STK3: variants seen among roughly 807,000 people sequenced by gnomAD.
STK3 encodes serine/threonine kinase 3.
STK3 carries 41 observed loss-of-function variants against 58.0 expected under a neutral mutation model. That is an observed-to-expected ratio of 0.71 (90% CI 0.55 to 0.92). The LOEUF is 0.92. STK3 is among the 40% of genes least tolerant of loss of function. The pLI, the probability that STK3 is intolerant of heterozygous loss-of-function variation, is 0.00. For synonymous variants in STK3, 170 were observed against 191.0 expected, an observed-to-expected ratio of 0.89 and a Z score of 0.91; for missense variants, 479 against 602.7, an observed-to-expected ratio of 0.79 and a Z score of 2.15.
chr8:98,447,382 T>A (rs1818996960), intron 1 of STK3, among the ~76,000 whole-genome samples: 1 of 152,066 alleles, frequency 6.6e-6, no homozygotes, highest in Non-Finnish European at 1.5e-5. Context: ...ATCTTTCTTA[T>A]ATTTTTATAA....
intron 6 of STK3, among the ~76,000 whole-genome samples, chr8:98,667,555 C>T (rs746936710): frequency 1.7e-4 from 26 of 152,058 alleles, no homozygotes; most frequent in Non-Finnish European, 3.1e-4. Context: ...ATTGGCAACA[C>T]TTCCTTTTAA....
chr8:98,893,486 G>GAGAGAA (rs1838312484), intron 1 of STK3, among the ~76,000 whole-genome samples: 13 of 43,036 alleles, frequency 3.0e-4, no homozygotes, highest in African/African-American at 1.3e-3. Context: ...AAGAAAGAAA[G>GAGAGAA]AGAAAGAAAG....
At chr8:98,711,507 T>C (rs532842912) in intron 4 of STK3, among the ~76,000 whole-genome samples, 10 of 152,284 alleles carry the variant, frequency 6.6e-5, no homozygotes, top group African/African-American at 2.2e-4. Context: ...CAGTAGCCGA[T>C]TCAATCAACT....
chr8:98,517,181 C>T (rs891381924), intron 10 of STK3, among the ~76,000 whole-genome samples: 1 of 152,054 alleles, frequency 6.6e-6, no homozygotes, highest in Non-Finnish European at 1.5e-5. Context: ...GCCCCTATCA[C>T]TCATTTATCT....
intron 7 of STK3, among the ~76,000 whole-genome samples, chr8:98,589,921 C>T (rs1253969799): frequency 6.6e-6 from 1 of 152,256 alleles, no homozygotes; most frequent in Non-Finnish European, 1.5e-5. Flanking sequence ...ACCCCTTGCA[C>T]TTCCCGAGTG....
intron 4 of STK3, among the ~76,000 whole-genome samples, chr8:98,740,063 GA>G (rs1469503008): frequency 6.6e-6 from 1 of 152,176 alleles, no homozygotes; most frequent in African/African-American, 2.4e-5. Context: ...AAAAAGAAAT[GA>G]ACAAAGCCTC....
intron 9 of STK3, among the ~76,000 whole-genome samples, chr8:98,532,965 T>TA (rs1270980322): frequency 6.6e-6 from 1 of 152,208 alleles, no homozygotes; most frequent in African/African-American, 2.4e-5. Flanking sequence ...TTGTTTTTTT[T>TA]ATGACTGGCT....
At chr8:98,886,377 A>ATCTGAAAACCTGAAT (rs1837991882) in intron 1 of STK3, among the ~76,000 whole-genome samples, 2 of 152,242 alleles carry the variant, frequency 1.3e-5, no homozygotes, top group South Asian at 4.1e-4. Context: ...AAAACCTGAA[A>ATCTGAAAACCTGAAT]TCTGAAATGC....
chr8:98,720,519 G>A (rs1316659905), intron 4 of STK3, among the ~76,000 whole-genome samples: 2 of 152,042 alleles, frequency 1.3e-5, no homozygotes, highest in Admixed American at 1.3e-4. Flanking sequence ...GGAAGGCCGA[G>A]GCAGGTGGAT....
intron 10 of STK3, among the ~76,000 whole-genome samples, chr8:98,508,096 G>A (rs1824233323): frequency 1.3e-5 from 2 of 151,970 alleles, no homozygotes; most frequent in African/African-American, 4.8e-5. Flanking sequence ...TTTATTTGTT[G>A]CTATATCATG....
chr8:98,376,379 T>C (rs1817674555), intron 2 of STK3, among the ~76,000 whole-genome samples: 1 of 152,224 alleles, frequency 6.6e-6, no homozygotes, highest in Non-Finnish European at 1.5e-5. Context: ...GTTTGGCTTT[T>C]TGTTCTCTTA....
chr8:98,484,206 T>A (rs972513976), intron 10 of STK3, among the ~76,000 whole-genome samples: 1 of 148,078 alleles, frequency 6.8e-6, no homozygotes, highest in Non-Finnish European at 1.5e-5. Context: ...GGAGGCCATT[T>A]AAACAAAGAA....
At chr8:98,932,270 T>A (rs552425841) in intron 1 of STK3, among the ~76,000 whole-genome samples, 1 of 152,348 alleles carries the variant, frequency 6.6e-6, no homozygotes, top group Admixed American at 6.5e-5. Context: ...TTGGGAGTAA[T>A]GCTTACTGTT....
chr8:98,694,022 G>A (rs909770579), intron 6 of STK3, among the ~76,000 whole-genome samples: 5 of 152,078 alleles, frequency 3.3e-5, no homozygotes, highest in Non-Finnish European at 7.4e-5. Flanking sequence ...AGTGCCATGG[G>A]ATTTCCAATG....
chr8:98,845,053 T>C (rs1836152402), intron 3 of STK3, among the ~76,000 whole-genome samples: 1 of 152,188 alleles, frequency 6.6e-6, no homozygotes. Flanking sequence ...CTTGCTCTGG[T>C]TCTTATCCTC....
chr8:98,498,394 G>A (rs1419410044), intron 10 of STK3, among the ~76,000 whole-genome samples: 3 of 152,136 alleles, frequency 2.0e-5, no homozygotes, highest in Non-Finnish European at 4.4e-5. Context: ...GCAGTAACAT[G>A]TCCTCTCTAC....
At chr8:98,601,163 A>C (rs1816316018) in intron 6 of STK3, among the ~76,000 whole-genome samples, 1 of 152,046 alleles carries the variant, frequency 6.6e-6, no homozygotes, top group Admixed American at 6.6e-5. Context: ...CAACACAATG[A>C]GATCCTGACT....
downstream of STK3, among the ~76,000 whole-genome samples, chr8:98,399,140 G>T (rs534493452): frequency 6.6e-6 from 1 of 152,274 alleles, no homozygotes; most frequent in South Asian, 2.1e-4. Context: ...CAGCAGACTG[G>T]ACTAGAGACA....
chr8:98,858,323 TAGAG>T lies in STK3; in HGVS notation c.110+25320_110+25323del, dbSNP rs1554691273. Reference sequence around the variant, plus strand: ...ATATATATATATATATATATATATATAGAGAGAGAGAGAGAGAGAGAGAGAGAGA... The same window carrying T: ...ATATATATATATATATATATATATATAGAGAGAGAGAGAGAGAGAGAGAGA... On this transcript the variant is annotated intron_variant, in intron 3 of 12. Transcript: ENST00000523601. Among the ~76,000 whole-genome samples, 36 of 16,270 alleles carry T rather than the reference TAGAG, an allele frequency of 2.2e-3. 1 individual carries two copies. The highest frequency in any genetic ancestry group is 0.01 in the East Asian group (4 of 382). The allele number at this position is 16,270 out of a possible 152,430, so 10.7% of individuals were successfully genotyped here.
Sources: gnomAD v4.1 joint callset for allele counts (sites outside exome capture counted in the v4.1 genomes callset) on GRCh38, gnomAD v4.1.1 for gene constraint, MANE v1.5 for transcripts, NCBI Gene and HGNC (gene_info 2026-07-23, HGNC 2026-07-21) for gene names.